SHISA5: variants seen among roughly 807,000 people sequenced by gnomAD.
SHISA5 encodes protein shisa-5.
In SHISA5, 21 loss-of-function variants were observed where a neutral mutation model predicts 27.5. That is an observed-to-expected ratio of 0.76 (90% CI 0.54 to 1.10). The LOEUF is 1.10. SHISA5 is among the 50% of genes least tolerant of loss of function. SHISA5 has a pLI of 0.00. For missense variants in SHISA5, 314 were observed against 336.3 expected, an observed-to-expected ratio of 0.93 and a Z score of 0.52; for synonymous variants, 137 against 142.2, an observed-to-expected ratio of 0.96 and a Z score of 0.26.
chr3:48,496,919 A>G (rs2041570786), intron 2 of SHISA5, among the ~76,000 whole-genome samples: 1 of 151,988 alleles, frequency 6.6e-6, no homozygotes, highest in South Asian at 2.1e-4. Context: ...GGAAAACTCA[A>G]TATAGTAAAA....
At chr3:48,500,780 G>A (rs774608693) in intron 2 of SHISA5, among the ~76,000 whole-genome samples, 7 of 152,282 alleles carry the variant, frequency 4.6e-5, no homozygotes, top group South Asian at 2.1e-4. Context: ...AGGGGCATGC[G>A]CATACTGTGG....
In SHISA5 at chr3:48,469,600, C is replaced by G. The variant is rs373754873; in HGVS notation, c.431-27G>C. ...TGCAAAGAGAATTCCAGTCAGGACC[C>G]TCCTCCATCTCCCCAGGTCTTGAGA... On this transcript the variant is annotated intron_variant, in intron 4 of 5. Transcript: ENST00000296444. This position sits in a 1 kb window ranked among gnomAD's most constrained non-coding sequence, Gnocchi z 4.6. 2.5e-6 allele frequency: 4 copies of G among 1,595,334 alleles called. No individual in the cohort carries two copies. The highest frequency in any genetic ancestry group is 2.2e-5 in the East Asian group (1 of 44,662).
chr3:48,500,452 T>C (rs1333475801), intron 2 of SHISA5, among the ~76,000 whole-genome samples: 1 of 152,058 alleles, frequency 6.6e-6, no homozygotes, highest in Admixed American at 6.6e-5. Context: ...TGAGACTCCA[T>C]CTCACAAAAA....
intron 3 of SHISA5, among the ~76,000 whole-genome samples, chr3:48,476,169 C>T (rs1316761700): frequency 6.6e-6 from 1 of 152,042 alleles, no homozygotes; most frequent in South Asian, 2.1e-4. Context: ...GGTGAAACCC[C>T]ATCTCTACTA....
intron 3 of SHISA5, among the ~76,000 whole-genome samples, chr3:48,474,336 T>C (rs992241272): frequency 6.6e-6 from 1 of 151,658 alleles, no homozygotes; most frequent in Non-Finnish European, 1.5e-5. Context: ...TATTTTTTAA[T>C]TTAATTTTTT....
rs557186375 is a variant in SHISA5, at chr3:48,469,909, C to T, written c.315-66G>A. The T allele has an allele frequency of 6.4e-7, 1 of 1,560,808 alleles. No homozygotes were observed. The highest frequency in any genetic ancestry group is 2.4e-5 in the East Asian group (1 of 42,302). ...CCCCAGACCAGCATCCACACCTTCCCAAGGCATGCCCCTCTTGCCAGAAGG... is the reference window on the plus strand; with the variant it reads ...CCCCAGACCAGCATCCACACCTTCCTAAGGCATGCCCCTCTTGCCAGAAGG... On this transcript the variant is annotated intron_variant, in intron 3 of 5. Transcript: ENST00000296444. The surrounding 1 kb of genome is among the most constrained non-coding windows in gnomAD (Gnocchi z 4.6).
At chr3:48,504,175 C>T (rs2041836918), upstream of SHISA5, 3 of 612,250 alleles carry the variant, frequency 4.9e-6, no homozygotes, top group East Asian at 3.6e-5. This position sits in a 1 kb window ranked among gnomAD's most constrained non-coding sequence, Gnocchi z 4.0. Flanking sequence ...GCGGCCGCCC[C>T]TCTCCCTCGC....
At chr3:48,472,912 C>A (rs1220086978) in intron 3 of SHISA5, 2 of 1,206,010 alleles carry the variant, frequency 1.7e-6, no homozygotes, top group African/African-American at 1.5e-5. Context: ...CATTCACACG[C>A]CATCAATGAC....
intron 2 of SHISA5, among the ~76,000 whole-genome samples, chr3:48,498,109 A>G (rs1345459929): frequency 6.6e-6 from 1 of 152,210 alleles, no homozygotes; most frequent in Non-Finnish European, 1.5e-5. Flanking sequence ...TTTTAAAATC[A>G]TACAGTCATC....
At chr3:48,501,857 TTTC>T (rs2041763364) in intron 1 of SHISA5, among the ~76,000 whole-genome samples, 1 of 139,874 alleles carries the variant, frequency 7.1e-6, no homozygotes, top group African/African-American at 3.2e-5. Context: ...TGTCCCTTTC[TTTC>T]TTTTTTTTTT....
intron 2 of SHISA5, among the ~76,000 whole-genome samples, chr3:48,487,165 C>T (rs1258710188): frequency 6.6e-6 from 1 of 151,990 alleles, no homozygotes; most frequent in African/African-American, 2.4e-5. Flanking sequence ...CACTCCCACA[C>T]AGATGCGCCT....
intron 1 of SHISA5, chr3:48,503,079 TTGGCCAGC>T (rs1291121169): frequency 7.8e-7 from 1 of 1,287,984 alleles, no homozygotes; most frequent in African/African-American, 1.5e-5. Flanking sequence ...CAAGCCCAGT[TTGGCCAGC>T]TGCCCACCTG....
At chr3:48,493,826 C>T (rs1420303558) in intron 2 of SHISA5, among the ~76,000 whole-genome samples, 1 of 147,258 alleles carries the variant, frequency 6.8e-6, no homozygotes, top group Non-Finnish European at 1.5e-5. Flanking sequence ...AGCCACTGCA[C>T]CCATCCGATT....
intron 2 of SHISA5, among the ~76,000 whole-genome samples, chr3:48,485,996 A>G (rs1439790253): frequency 1.3e-5 from 2 of 150,992 alleles, no homozygotes; most frequent in Non-Finnish European, 2.9e-5. Flanking sequence ...GACTGAGTAG[A>G]CGGCTCAGCC....
intron 2 of SHISA5, among the ~76,000 whole-genome samples, chr3:48,494,299 C>CTT (rs1328472129): frequency 4.6e-5 from 6 of 129,734 alleles, no homozygotes; most frequent in East Asian, 4.1e-4. Context: ...TCTGGATTTC[C>CTT]TTTTTTTTTT....
chr3:48,481,786 G>A (rs936775039), intron 2 of SHISA5, among the ~76,000 whole-genome samples: 7 of 145,466 alleles, frequency 4.8e-5, no homozygotes, highest in African/African-American at 1.5e-4. Flanking sequence ...AGACTGTCTC[G>A]GCCGGGTGCA....
At chr3:48,493,964 T>G (rs1362425346) in intron 2 of SHISA5, among the ~76,000 whole-genome samples, 2 of 147,888 alleles carry the variant, frequency 1.4e-5, no homozygotes, top group South Asian at 2.1e-4. Flanking sequence ...TACCTTTTTT[T>G]GTGGTGAGAA....
intron 1 of SHISA5, 48 bp downstream of exon 1, chr3:48,503,971 G>C: frequency 6.9e-7 from 1 of 1,450,034 alleles, no homozygotes; most frequent in Non-Finnish European, 9.1e-7. Flanking sequence ...GCGGGGAAGT[G>C]TCTGCCCGGT....
At chr3:48,480,491 T>C (rs983847102) in intron 2 of SHISA5, among the ~76,000 whole-genome samples, 1 of 152,138 alleles carries the variant, frequency 6.6e-6, no homozygotes. Context: ...GGGAGATTTG[T>C]ATCTTTAATA....
Sources: gnomAD v4.1 joint callset for allele counts (sites outside exome capture counted in the v4.1 genomes callset) on GRCh38, gnomAD v4.1.1 for gene constraint, Gnocchi (gnomAD v3.1) non-coding constraint, MANE v1.5 for transcripts, NCBI Gene and HGNC (gene_info 2026-07-23, HGNC 2026-07-21) for gene names.